BEND3: variants seen among roughly 807,000 people sequenced by gnomAD.
The protein encoded by BEND3 is BEN domain containing 3.
In BEND3, 13 loss-of-function variants were observed where a neutral mutation model predicts 60.1. The ratio of observed to expected loss-of-function variants is 0.22; its 90% CI spans 0.14 to 0.34. The LOEUF (loss-of-function observed/expected upper bound fraction) is 0.34, where lower values mean the gene tolerates loss of function less well. Among genes scored for constraint, BEND3 ranks in the 10% least tolerant of loss-of-function variants. The pLI, the probability that BEND3 is intolerant of heterozygous loss-of-function variation, is 1.00. For synonymous variants in BEND3, 497 were observed against 491.5 expected (o/e 1.01, Z -0.15); for missense variants, 896 against 1,138.1 (o/e 0.79, Z 3.06).
At chr6:107,087,240 A>C (rs1467303867) in intron 3 of BEND3, among the ~76,000 whole-genome samples, 1 of 151,528 alleles carries the variant, frequency 6.6e-6, no homozygotes, top group Non-Finnish European at 1.5e-5. Context: ...AATTGCTTGA[A>C]TCTGGGAGGT....
intron 3 of BEND3, among the ~76,000 whole-genome samples, chr6:107,082,625 A>G (rs1775257054): frequency 1.3e-5 from 2 of 151,826 alleles, no homozygotes; most frequent in Non-Finnish European, 2.9e-5. Flanking sequence ...AACAGACACG[A>G]GGTTTGTTGG....
chr6:107,110,679 G>A (rs1192315885), intron 1 of BEND3, among the ~76,000 whole-genome samples: 1 of 152,016 alleles, frequency 6.6e-6, no homozygotes, highest in Non-Finnish European at 1.5e-5. Flanking sequence ...TCCCGCTTCA[G>A]CCTCCCGAGT....
chr6:107,098,881 T>C (rs1421316295), intron 2 of BEND3, 128 bp from the exon 3 acceptor site: 8 of 724,510 alleles, frequency 1.1e-5, no homozygotes, highest in South Asian at 1.8e-5. Context: ...TGATGTCTAG[T>C]TGTAACAAAC....
At chr6:107,112,950 A>C (rs1770148815) in intron 1 of BEND3, among the ~76,000 whole-genome samples, 1 of 149,772 alleles carries the variant, frequency 6.7e-6, no homozygotes, top group Non-Finnish European at 1.5e-5. Flanking sequence ...TGAGGTCAGG[A>C]GATTGAGACC....
chr6:107,073,228 T>TGTG, intron 3 of BEND3, among the ~76,000 whole-genome samples: 3 of 14,692 alleles, frequency 2.0e-4, no homozygotes, highest in Admixed American at 7.0e-4. Flanking sequence ...TATATATATA[T>TGTG]ATATATATAT....
rs1775655997 is a variant in BEND3 at position 107,099,263 on chromosome 6, T to C, written c.23A>G (p.Glu8Gly). The change falls in exon 2 of 4, where the codon GAA becomes GGA. Residue 8 changes from glutamate to glycine, a missense_variant. By Grantham distance (98) the Glu-to-Gly change is moderately conservative. Transcript: ENST00000369042. ...TTTTTTTTTACCTTCTTCTACATCT[T>C]CGGTGAATTCAGTTGAGTTCATCTT... MNSTEFTEDVEEVLKSIT... is the reference protein window; with the variant it reads MNSTEFTGDVEEVLKSIT... 1 of 1,611,716 alleles carries C rather than the reference T, an allele frequency of 6.2e-7. No individual in the cohort carries two copies. The highest frequency in any genetic ancestry group is 2.2e-5 in the East Asian group (1 of 44,864).
chr6:107,106,102 G>A lies in BEND3; in HGVS notation c.-11-6806C>T, dbSNP rs189493299. 5.3e-5 allele frequency: 8 copies of A among 152,330 alleles called. No homozygotes were observed. The East Asian group carries it at 1.2e-3, about 22-fold the overall frequency. 9.4% of individuals were successfully genotyped at this position (152,330 alleles called of 1,614,324 possible). On this transcript the variant is annotated intron_variant, in intron 1 of 3. Coordinates refer to ENST00000369042, the MANE Select transcript of BEND3 (RefSeq NM_001367314.1). Reference sequence around the variant, plus strand: ...TTCAATCTTTTCACAATTGCCATATGTCTGATTTGATTTCAAGGAACTTCT... The same window carrying A: ...TTCAATCTTTTCACAATTGCCATATATCTGATTTGATTTCAAGGAACTTCT...
chr6:107,112,522 T>C (rs1554238579), intron 1 of BEND3, among the ~76,000 whole-genome samples: 1 of 152,100 alleles, frequency 6.6e-6, no homozygotes, highest in East Asian at 1.9e-4. Context: ...ATTATATTAG[T>C]TCTTCAGCAA....
At position 107,066,474 on chromosome 6, in the gene BEND3, T is replaced by A. The variant is rs1434070319; in HGVS notation, c.*2230A>T. 6.6e-6 allele frequency: 1 copy of A among 152,604 alleles called. No individual in the cohort carries two copies. The highest frequency in any genetic ancestry group is 1.5e-5 in the Non-Finnish European group (1 of 68,032). 9.5% of individuals were successfully genotyped at this position (152,604 alleles called of 1,614,324 possible). ...ATCACTGAAATACGGTTTCCAAAAA[T>A]TGAACATGCTCTGGGTTACAAAGAG... On this transcript the variant is annotated 3_prime_UTR_variant, in exon 4 of 4. Transcript: ENST00000369042.
At chr6:107,088,282 A>G (rs1386593844) in intron 3 of BEND3, among the ~76,000 whole-genome samples, 1 of 152,174 alleles carries the variant, frequency 6.6e-6, no homozygotes, top group Non-Finnish European at 1.5e-5. Context: ...ACAGAAAAGC[A>G]ACAAGAAAAA....
rs1774880190 is a variant in BEND3 at position 107,068,563 on chromosome 6, C to G, written c.*141G>C. On this transcript the variant is annotated 3_prime_UTR_variant, in exon 4 of 4. Coordinates refer to ENST00000369042, the MANE Select transcript of BEND3 (RefSeq NM_001367314.1). This position sits in a 1 kb window ranked among gnomAD's most constrained non-coding sequence, Gnocchi z 5.8. ...GCGGTTGGGTGGGTGTTTACGTGTG[C>G]AAATGTAGTAAGCCACTCCCCACGG... 4.3e-6 allele frequency: 4 copies of G among 924,364 alleles called. No individual in the cohort carries two copies. The highest frequency in any genetic ancestry group is 6.4e-6 in the Non-Finnish European group (4 of 629,670). 57.3% of individuals were successfully genotyped at this position (924,364 alleles called of 1,614,324 possible). A position where few individuals can be genotyped will look rare whatever the true frequency, so the allele number is the denominator to read the frequency against.
chr6:107,082,021 G>C (rs782201043), intron 3 of BEND3, among the ~76,000 whole-genome samples: 2 of 152,154 alleles, frequency 1.3e-5, no homozygotes, highest in Non-Finnish European at 2.9e-5. Flanking sequence ...TATAACAATA[G>C]CCACAATACT....
intron 1 of BEND3, among the ~76,000 whole-genome samples, chr6:107,102,115 C>G (rs1775712983): frequency 6.6e-6 from 1 of 152,052 alleles, no homozygotes; most frequent in African/African-American, 2.4e-5. Flanking sequence ...AATACTAGAA[C>G]AAAACAAAAC....
At chr6:107,093,433 C>T (rs1327663169) in intron 3 of BEND3, among the ~76,000 whole-genome samples, 5 of 151,610 alleles carry the variant, frequency 3.3e-5, no homozygotes, top group African/African-American at 7.3e-5. Context: ...TGCACTCCAG[C>T]CTGGGCGACA....
Position 107,066,339 on chromosome 6 carries a change from G to A in BEND3, c.*2365C>T, listed in dbSNP as rs1774828817. 6.6e-6 allele frequency: 1 copy of A among 152,606 alleles called. No homozygotes were observed. The highest frequency in any genetic ancestry group is 2.1e-4 in the South Asian group (1 of 4,828). The allele number at this position is 152,606 out of a possible 1,614,324, so 9.5% of individuals were successfully genotyped here. A position where few individuals can be genotyped will look rare whatever the true frequency, so the allele number is the denominator to read the frequency against. On this transcript the variant is annotated 3_prime_UTR_variant, in exon 4 of 4. Coordinates refer to ENST00000369042, the MANE Select transcript of BEND3 (RefSeq NM_001367314.1). ...GGGCAAGGACCTGCAGGCGTTTCCT[G>A]ACGACAGTCCAGAGATGGTGAGAGT... is the stretch of plus-strand genomic sequence containing the variant.
At chr6:107,113,046 T>G (rs1466815188) in intron 1 of BEND3, among the ~76,000 whole-genome samples, 1 of 151,918 alleles carries the variant, frequency 6.6e-6, no homozygotes, top group African/African-American at 2.4e-5. Flanking sequence ...TAGTCCCAGC[T>G]ACTCGGGAGG....
intron 3 of BEND3, among the ~76,000 whole-genome samples, chr6:107,071,964 G>A (rs1028790688): frequency 2.0e-5 from 3 of 152,310 alleles, no homozygotes; most frequent in Middle Eastern, 3.4e-3. Flanking sequence ...TGGTAGACAC[G>A]TGTCAAAACG....
At chr6:107,073,721 C>T (rs1159742790) in intron 3 of BEND3, among the ~76,000 whole-genome samples, 1 of 151,834 alleles carries the variant, frequency 6.6e-6, no homozygotes, top group East Asian at 1.9e-4. Context: ...CATGGTGAAA[C>T]CCCACCTCTA....
chr6:107,069,909 G>A lies in BEND3; in HGVS notation c.1282C>T (p.Leu428=), dbSNP rs1774929262. Residue 428 remains leucine (L), a synonymous_variant, in exon 4 of 4, where the codon CTG becomes TTG. Transcript: ENST00000369042. ...LFPELFDHRK[L]GEQYSCYGDG... Reference sequence around the variant, plus strand: ...CCGTAGCAGCTGTACTGTTCACCCAGCTTGCGGTGGTCGAAGAGCTCGGGG... The same window carrying A: ...CCGTAGCAGCTGTACTGTTCACCCAACTTGCGGTGGTCGAAGAGCTCGGGG... The A allele has an allele frequency of 2.5e-6, 4 of 1,613,842 alleles. No individual in the cohort carries two copies. Among genetic ancestry groups the A allele is most frequent in the Non-Finnish European group, 3.4e-6 (4 of 1,180,046 alleles).
Sources: gnomAD v4.1 joint callset for allele counts (sites outside exome capture counted in the v4.1 genomes callset) on GRCh38, gnomAD v4.1.1 for gene constraint, Gnocchi (gnomAD v3.1) non-coding constraint, MANE v1.5 for transcripts, NCBI Gene and HGNC (gene_info 2026-07-23, HGNC 2026-07-21) for gene names.